GSN: variants seen among roughly 807,000 people sequenced by gnomAD.
GSN encodes the protein gelsolin.
GSN carries 56 observed loss-of-function variants against 85.7 expected under a neutral mutation model. The ratio of observed to expected loss-of-function variants is 0.65; its 90% confidence interval spans 0.53 to 0.82. The LOEUF (loss-of-function observed/expected upper bound fraction) is 0.82, where lower values mean the gene tolerates loss of function less well. Ranked by LOEUF, GSN falls within the 40% of genes least tolerant of loss-of-function variation. The pLI is 0.00. For synonymous variants in GSN, 373 were observed against 399.1 expected (o/e 0.93, Z 0.78); for missense variants, 857 against 979.8 (o/e 0.87, Z 1.67).
intron 16 of GSN, among the ~76,000 whole-genome samples, chr9:121,330,942 A>G (rs1164356094): frequency 2.0e-5 from 3 of 152,200 alleles, no homozygotes; most frequent in African/African-American, 7.2e-5. Context: ...CTCAAACTCA[A>G]TGCCTGATGG....
chr9:121,254,788 C>T (rs1249526468), intron 6 of GSN, among the ~76,000 whole-genome samples: 1 of 152,132 alleles, frequency 6.6e-6, no homozygotes, highest in Non-Finnish European at 1.5e-5. Context: ...AATTCAAAAG[C>T]AACAAAAGGA....
chr9:121,310,947 C>A (rs559828808), intron 5 of GSN, 102 bp downstream of exon 5: 3 of 1,031,186 alleles, frequency 2.9e-6, no homozygotes, highest in African/African-American at 1.6e-5. Flanking sequence ...TGCAGGTGGG[C>A]AAACCACAGG....
At chr9:121,317,308 G>A in intron 8 of GSN, 90 bp downstream of exon 8, 1 of 1,377,008 alleles carries the variant, frequency 7.3e-7, no homozygotes, top group East Asian at 2.3e-5. Flanking sequence ...CCCGGGGAGT[G>A]TGGAGTGTGC....
At chr9:121,287,919 G>T (rs1037046785) in intron 2 of GSN, among the ~76,000 whole-genome samples, 1 of 151,922 alleles carries the variant, frequency 6.6e-6, no homozygotes, top group Admixed American at 6.6e-5. Context: ...AGCTGACCAC[G>T]CATCTGCTTT....
intron 1 of GSN, among the ~76,000 whole-genome samples, chr9:121,208,606 G>A (rs1262658704): frequency 6.6e-6 from 1 of 152,166 alleles, no homozygotes; most frequent in East Asian, 1.9e-4. Flanking sequence ...CCAGGAGAGG[G>A]GAGAAAAAGA....
chr9:121,239,387 C>T, intron 5 of GSN: 1 of 439,702 alleles, frequency 2.3e-6, no homozygotes, highest in Non-Finnish European at 4.4e-6. Context: ...GAGCCATTTT[C>T]TTCAAAACCA....
chr9:121,309,283 T>G (rs1298584509), intron 4 of GSN: 1 of 152,268 alleles, frequency 6.6e-6, no homozygotes, highest in African/African-American at 2.4e-5. Context: ...TTCCTTGGCT[T>G]GCTTCTGAGT....
At chr9:121,234,374 C>T (rs1336737521) in intron 5 of GSN, among the ~76,000 whole-genome samples, 1 of 152,218 alleles carries the variant, frequency 6.6e-6, no homozygotes, top group Admixed American at 6.5e-5. Context: ...AATGGCATCA[C>T]ATATGGGATG....
At position 121,314,013 on chromosome 9, in the gene GSN, AG is replaced by A; in HGVS notation, c.744del (p.Lys248AsnfsTer28). ...KEDAANRKLA[K>X]LYKVSNGAGT... is the part of the protein sequence containing the mutation. Reference sequence around the variant, plus strand: ...GATGCGGCCAACCGCAAGCTGGCCAAGCTCTACAAGGTGAGCACCAGATGCA... The same window carrying A: ...GATGCGGCCAACCGCAAGCTGGCCAACTCTACAAGGTGAGCACCAGATGCA... On this transcript the variant is annotated frameshift_variant, in exon 7 of 18. Transcript: ENST00000432226. LOFTEE classifies it high-confidence loss of function. 6.2e-7 allele frequency: 1 copy of A among 1,613,460 alleles called. No homozygotes were observed. Among genetic ancestry groups the A allele is most frequent in the Non-Finnish European group, 8.5e-7 (1 of 1,179,336 alleles).
At chr9:121,225,860 G>T (rs1391281058) in intron 4 of GSN, among the ~76,000 whole-genome samples, 1 of 152,016 alleles carries the variant, frequency 6.6e-6, no homozygotes, top group South Asian at 2.1e-4. Context: ...GCTGGAGTGT[G>T]GTGGCACAAT....
At chr9:121,206,857 C>T (rs752525856), upstream of GSN, among the ~76,000 whole-genome samples, 11 of 152,196 alleles carry the variant, frequency 7.2e-5, no homozygotes, top group Non-Finnish European at 1.0e-4. Flanking sequence ...GCAGGCCACC[C>T]TCCCACCTCA....
At position 121,299,899 on chromosome 9, in the gene GSN, C is replaced by A; in HGVS notation, c.-9-2064C>A. 7.6e-7 allele frequency: 1 copy of A among 1,314,116 alleles called. No individual in the cohort carries two copies. Among genetic ancestry groups the A allele is most frequent in the Non-Finnish European group, 9.8e-7 (1 of 1,022,992 alleles). 81.4% of individuals were successfully genotyped at this position (1,314,116 alleles called of 1,614,324 possible). ...CGCCCCGCGCCCGCGCTGCTTTGCG[C>A]GCTGTCCCTGGCGCTGTGCGCGCTG... On this transcript the variant is annotated intron_variant, in intron 2 of 17. Coordinates refer to ENST00000432226, the MANE Select transcript of GSN (RefSeq NM_198252.3). This position sits in a 1 kb window ranked among gnomAD's most constrained non-coding sequence, Gnocchi z 4.2.
In GSN at chr9:121,326,728, A is replaced by G. The variant is rs116578263; in HGVS notation, c.1587+46A>G. Reference sequence around the variant, plus strand: ...CACAGAAGGGATTGGCCTCCCTGAAACCTCCCAGCTCAATGACCAGATCTC... The same window carrying G: ...CACAGAAGGGATTGGCCTCCCTGAAGCCTCCCAGCTCAATGACCAGATCTC... On this transcript the variant is annotated intron_variant, in intron 13 of 17. Coordinates refer to ENST00000432226, the MANE Select transcript of GSN (RefSeq NM_198252.3). 7,892 of 1,501,248 alleles carry G rather than the reference A, an allele frequency of 5.3e-3. 379 individuals are homozygous for G. In the African/African-American group the frequency reaches 0.096, roughly 18 times the overall value. The allele number at this position is 1,501,248 out of a possible 1,614,324, so 93.0% of individuals were successfully genotyped here.
At chr9:121,281,928 G>T in intron 2 of GSN, 5 of 471,510 alleles carry the variant, frequency 1.1e-5, no homozygotes, top group South Asian at 7.7e-5. Flanking sequence ...GGAGGTGCAG[G>T]AATTCTTCCC....
chr9:121,228,302 T>C (rs963429940), intron 4 of GSN, among the ~76,000 whole-genome samples: 5 of 151,280 alleles, frequency 3.3e-5, no homozygotes, highest in Non-Finnish European at 1.5e-5. Context: ...TATTTACTTA[T>C]TTGATCTTGG....
At chr9:121,323,667 GCC>G (rs1207622548) in intron 11 of GSN, among the ~76,000 whole-genome samples, 1 of 152,132 alleles carries the variant, frequency 6.6e-6, no homozygotes, top group African/African-American at 2.4e-5. Context: ...ATCGTGCCCG[GCC>G]CCCACTACTG....
intron 12 of GSN, among the ~76,000 whole-genome samples, chr9:121,326,286 G>T (rs2063155269): frequency 6.6e-6 from 1 of 151,974 alleles, no homozygotes; most frequent in South Asian, 2.1e-4. Flanking sequence ...TCGTCATGGA[G>T]ATGGAGAGCA....
intron 10 of GSN, among the ~76,000 whole-genome samples, chr9:121,319,898 C>A (rs1404267786): frequency 2.0e-5 from 3 of 152,062 alleles, no homozygotes; most frequent in Admixed American, 6.6e-5. Context: ...CCGCCTCAGG[C>A]AAACTTGACT....
intron 5 of GSN, among the ~76,000 whole-genome samples, chr9:121,241,792 G>T (rs2054610440): frequency 6.6e-6 from 1 of 152,216 alleles, no homozygotes; most frequent in South Asian, 2.1e-4. Context: ...GTGAAGGAGA[G>T]AAAAAAGCTA....
Sources: gnomAD v4.1 joint callset for allele counts (sites outside exome capture counted in the v4.1 genomes callset) on GRCh38, gnomAD v4.1.1 for gene constraint, Gnocchi (gnomAD v3.1) non-coding constraint, MANE v1.5 for transcripts, NCBI Gene and HGNC (gene_info 2026-07-23, HGNC 2026-07-21) for gene names.